Variants in CTNNA3 observed in about 807,000 individuals in gnomAD.
CTNNA3 encodes catenin alpha 3.
In CTNNA3, 76 loss-of-function variants were observed where a neutral mutation model predicts 95.7. The ratio of observed to expected loss-of-function variants is 0.79; its 90% CI spans 0.66 to 0.96. CTNNA3 has a LOEUF of 0.96. Among genes scored for constraint, CTNNA3 ranks in the 40% least tolerant of loss-of-function variants. The pLI, the probability that CTNNA3 is intolerant of heterozygous loss-of-function variation, is 0.00. For synonymous variants in CTNNA3, 431 were observed against 374.4 expected, an observed-to-expected ratio of 1.15 and a Z score of -1.74; for missense variants, 1,191 against 1,089.8, an observed-to-expected ratio of 1.09 and a Z score of -1.31.
intron 16 of CTNNA3, among the ~76,000 whole-genome samples, chr10:65,985,042 A>G (rs532797093): frequency 9.3e-5 from 14 of 151,280 alleles, no homozygotes; most frequent in African/African-American, 3.4e-4. Context: ...GAAAAGACAT[A>G]TGTTCTTTAT....
At chr10:66,725,920 T>C (rs906600957) in intron 9 of CTNNA3, among the ~76,000 whole-genome samples, 8 of 152,256 alleles carry the variant, frequency 5.3e-5, no homozygotes, top group East Asian at 1.9e-4. Flanking sequence ...CTAAGTCTTT[T>C]TTATAATCTA....
intron 3 of CTNNA3, among the ~76,000 whole-genome samples, chr10:67,572,976 C>A (rs1300817206): frequency 6.6e-6 from 1 of 152,110 alleles, no homozygotes; most frequent in African/African-American, 2.4e-5. Flanking sequence ...ACAGTCCCAG[C>A]TACTCAGGAG....
chr10:66,630,750 CT>C (rs143939715), intron 9 of CTNNA3, among the ~76,000 whole-genome samples: 18,458 of 152,174 alleles, frequency 0.12, 1,495 homozygotes, highest in Middle Eastern at 0.22. Context: ...CGCTGCTCTG[CT>C]TCCCTTGGTA....
chr10:67,178,314 C>T (rs561029769), intron 7 of CTNNA3, among the ~76,000 whole-genome samples: 1 of 152,218 alleles, frequency 6.6e-6, no homozygotes, highest in Admixed American at 6.5e-5. Flanking sequence ...TTTCATAGGT[C>T]ATAGTCTCTC....
At chr10:67,451,242 A>G (rs1363485297) in intron 5 of CTNNA3, among the ~76,000 whole-genome samples, 1 of 152,176 alleles carries the variant, frequency 6.6e-6, no homozygotes, top group Admixed American at 6.6e-5. Context: ...TGGACTTCCC[A>G]GCCACCAGAA....
intron 7 of CTNNA3, among the ~76,000 whole-genome samples, chr10:67,172,492 C>T (rs1230548313): frequency 6.6e-6 from 1 of 151,994 alleles, no homozygotes; most frequent in Non-Finnish European, 1.5e-5. Context: ...TCTCAAAATC[C>T]ATCATATGTA....
intron 12 of CTNNA3, among the ~76,000 whole-genome samples, chr10:66,324,678 C>A (rs2092232105): frequency 6.6e-6 from 1 of 152,082 alleles, no homozygotes; most frequent in Non-Finnish European, 1.5e-5. Context: ...CAAACCTGTT[C>A]CATGTCCTGC....
At chr10:66,766,191 A>G (rs1008799246) in intron 9 of CTNNA3, 73 bp downstream of exon 9, 15 of 1,493,336 alleles carry the variant, frequency 1.0e-5, no homozygotes, top group Non-Finnish European at 1.4e-5. Flanking sequence ...ATTTAGGTAC[A>G]ATTCAACCAT....
intron 8 of CTNNA3, among the ~76,000 whole-genome samples, chr10:66,769,468 A>G (rs554474460): frequency 6.4e-4 from 97 of 152,344 alleles, no homozygotes; most frequent in Non-Finnish European, 1.3e-3. Flanking sequence ...CTTCACTATT[A>G]TGAACTACAT....
At chr10:66,125,945 A>G (rs1356385220) in intron 13 of CTNNA3, among the ~76,000 whole-genome samples, 1 of 152,218 alleles carries the variant, frequency 6.6e-6, no homozygotes, top group African/African-American at 2.4e-5. Context: ...ACCTTTGTCA[A>G]AAGCCATAGA....
At chr10:66,918,004 T>C (rs755569158) in intron 7 of CTNNA3, among the ~76,000 whole-genome samples, 11 of 152,208 alleles carry the variant, frequency 7.2e-5, no homozygotes, top group South Asian at 2.1e-4. Context: ...TATATAAAAC[T>C]AGACGTTTTA....
intron 11 of CTNNA3, among the ~76,000 whole-genome samples, chr10:66,446,906 T>G (rs377338502): frequency 0.013 from 1,938 of 151,176 alleles, 46 homozygotes; most frequent in African/African-American, 0.045. Context: ...CAGATGACAT[T>G]ATTGTATATC....
At chr10:67,593,294 C>T (rs1462242662) in intron 3 of CTNNA3, among the ~76,000 whole-genome samples, 3 of 152,024 alleles carry the variant, frequency 2.0e-5, no homozygotes, top group Non-Finnish European at 4.4e-5. Flanking sequence ...GTGTATGTGT[C>T]TTTTTGGTAG....
At chr10:67,282,798 G>A (rs1055126342) in intron 5 of CTNNA3, among the ~76,000 whole-genome samples, 2 of 152,196 alleles carry the variant, frequency 1.3e-5, no homozygotes, top group Admixed American at 6.5e-5. Context: ...GAAGGCCTTA[G>A]CAGTAGCTCA....
At chr10:66,238,234 A>T (rs568324161) in intron 13 of CTNNA3, among the ~76,000 whole-genome samples, 2 of 152,094 alleles carry the variant, frequency 1.3e-5, no homozygotes, top group South Asian at 4.1e-4. Flanking sequence ...AGGCGGGGAG[A>T]GGGGTACATC....
chr10:66,558,285 A>G (rs945290851), intron 10 of CTNNA3, among the ~76,000 whole-genome samples: 4 of 152,140 alleles, frequency 2.6e-5, no homozygotes, highest in African/African-American at 9.7e-5. Flanking sequence ...ATCTTTTACA[A>G]AAAGCTGAAG....
chr10:67,587,219 G>GTT (rs1842658373), intron 3 of CTNNA3, among the ~76,000 whole-genome samples: 1 of 151,174 alleles, frequency 6.6e-6, no homozygotes, highest in Non-Finnish European at 1.5e-5. Context: ...GTGTGTGTGT[G>GTT]TGTGTGTGTG....
intron 5 of CTNNA3, among the ~76,000 whole-genome samples, chr10:67,303,145 G>C (rs1272203316): frequency 2.6e-5 from 4 of 152,194 alleles, no homozygotes; most frequent in Admixed American, 2.6e-4. Flanking sequence ...CAGTAACCAA[G>C]TGCTAATAGC....
chr10:66,966,898 G>A (rs1414491201), intron 7 of CTNNA3, among the ~76,000 whole-genome samples: 2 of 152,020 alleles, frequency 1.3e-5, no homozygotes, highest in Admixed American at 1.3e-4. Flanking sequence ...ATACTTTCCT[G>A]AATTCATTCC....
Sources: gnomAD v4.1 joint callset for allele counts (sites outside exome capture counted in the v4.1 genomes callset) on GRCh38, gnomAD v4.1.1 for gene constraint, MANE v1.5 for transcripts, NCBI Gene and HGNC (gene_info 2026-07-23, HGNC 2026-07-21) for gene names.